The following ABCD3 variants were observed in gnomAD, a reference collection of about 807,000 sequenced individuals.
ABCD3 encodes ATP-binding cassette sub-family D member 3.
Under a neutral mutation model 105.5 loss-of-function variants are expected in ABCD3, and 41 were observed. That is an observed-to-expected ratio of 0.39 (90% CI 0.30 to 0.50). ABCD3 has a LOEUF of 0.50. Ranked by LOEUF, ABCD3 falls within the 20% of genes least tolerant of loss-of-function variation. The pLI, the probability that ABCD3 is intolerant of heterozygous loss-of-function variation, is 0.84. For synonymous variants in ABCD3, 258 were observed against 269.0 expected, an observed-to-expected ratio of 0.96 and a Z score of 0.40; for missense variants, 622 against 806.3, an observed-to-expected ratio of 0.77 and a Z score of 2.77.
intron 1 of ABCD3, among the ~76,000 whole-genome samples, chr1:94,438,794 G>A (rs1038025806): frequency 2.6e-5 from 4 of 151,302 alleles, no homozygotes; most frequent in East Asian, 2.0e-4. Context: ...TTTTTTAGAC[G>A]TAATGTCATT....
At position 94,499,017 on chromosome 1, in the gene ABCD3, A is replaced by G; in HGVS notation, c.1603A>G (p.Lys535Glu). ...YPDGREDQKR[K>E]GISDLVLKEY... is the part of the protein sequence containing the mutation. ...AGATGGACGAGAAGATCAGAAAAGGAAGGGAATTTCTGACCTAGTAAGGGA... is the reference window on the plus strand; with the variant it reads ...AGATGGACGAGAAGATCAGAAAAGGGAGGGAATTTCTGACCTAGTAAGGGA... The change falls in exon 19 of 23, where the codon AAG becomes GAG. Residue 535 changes from lysine to glutamate, a missense_variant. This residue lies in a region of ABCD3 where 285 missense variants were observed against 352.5 expected (regional missense o/e 0.81). Coordinates refer to ENST00000370214, the MANE Select transcript of ABCD3 (RefSeq NM_002858.4). 1.2e-6 allele frequency: 2 copies of G among 1,613,638 alleles called. No individual in the cohort carries two copies. The highest frequency in any genetic ancestry group is 1.7e-6 in the Non-Finnish European group (2 of 1,179,638).
intron 3 of ABCD3, among the ~76,000 whole-genome samples, chr1:94,465,470 CTT>C (rs1489103910): frequency 6.6e-6 from 1 of 152,104 alleles, no homozygotes. Flanking sequence ...ATAGTTTTCT[CTT>C]GTTTCTGAAG....
At chr1:94,482,870 C>T (rs957507661) in intron 9 of ABCD3, 1 of 363,364 alleles carries the variant, frequency 2.8e-6, no homozygotes, top group Non-Finnish European at 5.2e-6. Context: ...ATCACAGCAA[C>T]TTCTTTCTCT....
chr1:94,483,334 AAC>A, intron 10 of ABCD3, 95 bp downstream of exon 10: 1 of 872,998 alleles, frequency 1.1e-6, no homozygotes, highest in South Asian at 1.4e-5. Flanking sequence ...CACACACACA[AAC>A]ACACACGTAT....
intron 11 of ABCD3, 32 bp from the exon 12 acceptor site, chr1:94,487,662 T>TA: frequency 6.2e-7 from 1 of 1,613,032 alleles, no homozygotes; most frequent in East Asian, 2.2e-5. Context: ...GAAATACTGT[T>TA]ACTGTTTTAA....
At chr1:94,505,271 G>A (rs1172951858) in intron 20 of ABCD3, among the ~76,000 whole-genome samples, 2 of 152,036 alleles carry the variant, frequency 1.3e-5, no homozygotes, top group African/African-American at 4.8e-5. Flanking sequence ...CCTGATCATA[G>A]CTCACTACAG....
chr1:94,451,363 T>C (rs1179366805), intron 1 of ABCD3, among the ~76,000 whole-genome samples: 1 of 152,210 alleles, frequency 6.6e-6, no homozygotes, highest in Admixed American at 6.5e-5. Context: ...CTTGTCAGAA[T>C]AATTTTGAGG....
chr1:94,470,959 G>A (rs1333614652), intron 4 of ABCD3, among the ~76,000 whole-genome samples: 1 of 151,804 alleles, frequency 6.6e-6, no homozygotes, highest in Admixed American at 6.6e-5. Flanking sequence ...TGCATTTTTT[G>A]TTATTCTGTT....
rs1649111465 is a variant in ABCD3 at position 94,483,252 on chromosome 1, A to G, written c.897+13A>G. ...CTTCCGAAAACTGGTAAGATAACACACTTGAGGTTCATGTGTTTATGGAAA... is the reference window on the plus strand; with the variant it reads ...CTTCCGAAAACTGGTAAGATAACACGCTTGAGGTTCATGTGTTTATGGAAA... On this transcript the variant is annotated intron_variant, in intron 10 of 22. Coordinates refer to ENST00000370214, the MANE Select transcript of ABCD3 (RefSeq NM_002858.4). The G allele has an allele frequency of 1.2e-6, 2 of 1,605,880 alleles. No homozygotes were observed. The highest frequency in any genetic ancestry group is 1.7e-5 in the Admixed American group (1 of 59,966).
At chr1:94,400,415 A>AG in the ABCD3 span, among the ~76,000 whole-genome samples, 2 of 152,100 alleles carry the variant, frequency 1.3e-5, no homozygotes, top group Non-Finnish European at 2.9e-5. Context: ...AAAAAAAAAA[A>AG]AAGAAAGAAA....
At position 94,467,961 on chromosome 1, in the gene ABCD3, A is replaced by T. The variant is rs773098054; in HGVS notation, c.289A>T (p.Thr97Ser). ...TATTGCTGTTATGCTGGTGTCTCGA[A>T]CATATTGTGATGTTTGGATGATTCA... ...VLIAVMLVSRTYCDVWMIQNG... is the reference protein window; with the variant it reads ...VLIAVMLVSRSYCDVWMIQNG... Residue 97 changes from threonine to serine, a missense_variant, in exon 4 of 23, where the codon ACA (threonine) becomes TCA (serine). By Grantham distance (58) the Thr-to-Ser change is moderately conservative. Transcript: ENST00000370214. 6.2e-7 allele frequency: 1 copy of T among 1,613,622 alleles called. No individual in the cohort carries two copies. Among genetic ancestry groups the T allele is most frequent in the South Asian group, 1.1e-5 (1 of 91,074 alleles).
chr1:94,385,493 G>T, the ABCD3 span, among the ~76,000 whole-genome samples: 4 of 152,164 alleles, frequency 2.6e-5, no homozygotes, highest in Admixed American at 6.6e-5. Context: ...TACCCATGCT[G>T]TTGCACAGAG....
At chr1:94,437,944 C>T (rs1570745140) in intron 1 of ABCD3, among the ~76,000 whole-genome samples, 3 of 152,040 alleles carry the variant, frequency 2.0e-5, no homozygotes, top group Non-Finnish European at 4.4e-5. Context: ...AGCAAGAGAA[C>T]TAGAAGTGGA....
chr1:94,415,879 T>A (rs931791776), upstream of ABCD3, among the ~76,000 whole-genome samples: 9 of 152,202 alleles, frequency 5.9e-5, no homozygotes, highest in Non-Finnish European at 2.9e-5. Flanking sequence ...TGGCCACAAT[T>A]CCTCTGCTGT....
At chr1:94,452,836 A>C (rs768251445) in intron 1 of ABCD3, among the ~76,000 whole-genome samples, 2 of 152,016 alleles carry the variant, frequency 1.3e-5, no homozygotes, top group African/African-American at 2.4e-5. Context: ...TCCCAGGTTC[A>C]AGTGATTCTC....
intron 8 of ABCD3, among the ~76,000 whole-genome samples, chr1:94,479,724 A>C (rs1229855109): frequency 1.3e-5 from 2 of 152,126 alleles, no homozygotes; most frequent in African/African-American, 4.8e-5. Flanking sequence ...CACTGAATGG[A>C]AACTGTTCAG....
chr1:94,486,657 G>C (rs1263638936), intron 10 of ABCD3, among the ~76,000 whole-genome samples: 1 of 152,228 alleles, frequency 6.6e-6, no homozygotes, highest in Non-Finnish European at 1.5e-5. Context: ...GGATAGATAT[G>C]AAGGGGGCTA....
intron 16 of ABCD3, among the ~76,000 whole-genome samples, chr1:94,496,879 T>A (rs1649840499): frequency 1.3e-5 from 2 of 151,584 alleles, no homozygotes; most frequent in African/African-American, 2.4e-5. Context: ...GCAATTCTCA[T>A]GCCTCAGCCT....
intron 16 of ABCD3, among the ~76,000 whole-genome samples, chr1:94,498,039 T>C (rs1253196288): frequency 6.6e-6 from 1 of 152,194 alleles, no homozygotes; most frequent in Non-Finnish European, 1.5e-5. Context: ...TTTATCTCTC[T>C]TTATCTTAAG....
Sources: allele counts gnomAD v4.1 joint callset (sites outside exome capture counted in the v4.1 genomes callset), GRCh38; gene constraint gnomAD v4.1.1; regional missense constraint gnomAD v4.1.1; transcripts MANE v1.5; gene names NCBI Gene and HGNC (gene_info 2026-07-23, HGNC 2026-07-21).